Variants in LMF1 observed in about 807,000 individuals in gnomAD.
LMF1 encodes the protein transmembrane protein 112.
LMF1 carries 68 observed loss-of-function variants against 60.6 expected under a neutral mutation model. The ratio of observed to expected loss-of-function variants is 1.12; its 90% CI spans 0.92 to 1.37. The LOEUF is 1.37. Among genes scored for constraint, LMF1 ranks in the 40% most tolerant of loss-of-function variants. The pLI, the probability that LMF1 is intolerant of heterozygous loss-of-function variation, is 0.00. For missense variants in LMF1, 948 were observed against 767.2 expected (o/e 1.24, Z -2.78); for synonymous variants, 418 against 324.7 (o/e 1.29, Z -3.09).
At chr16:968,696 C>T (rs2072976553) in intron 1 of LMF1, 1 of 152,228 alleles carries the variant, frequency 6.6e-6, no homozygotes, top group Non-Finnish European at 1.5e-5. Context: ...GTGCATATGT[C>T]AAGGAGAAAT....
At chr16:906,789 C>T (rs1480837500) in intron 4 of LMF1, among the ~76,000 whole-genome samples, 1 of 152,132 alleles carries the variant, frequency 6.6e-6, no homozygotes, top group Non-Finnish European at 1.5e-5. Context: ...TATGTAGGTC[C>T]TTGGCATTTC....
rs899581550 is a variant in LMF1, at chr16:954,725, T to C, written c.194-59A>G. ...AGGAACAAACCACATGTGGACACCATGGGCGCAGCTCAGAATGCGGGGCGA... is the reference window on the plus strand; with the variant it reads ...AGGAACAAACCACATGTGGACACCACGGGCGCAGCTCAGAATGCGGGGCGA... On this transcript the variant is annotated intron_variant, in intron 1 of 10. Transcript: ENST00000262301. 2.2e-5 allele frequency: 32 copies of C among 1,481,454 alleles called. 1 individual carries two copies. In the Admixed American group the frequency reaches 5.3e-4, roughly 24 times the overall value. The allele number at this position is 1,481,454 out of a possible 1,614,324, so 91.8% of individuals were successfully genotyped here. A position where few individuals can be genotyped will look rare whatever the true frequency, so the allele number is the denominator to read the frequency against.
intron 1 of LMF1, chr16:976,661 G>C (rs2073154218): frequency 2.2e-6 from 1 of 454,026 alleles, no homozygotes; most frequent in African/African-American, 2.0e-5. Context: ...CCCACACTGA[G>C]AGTGGAGACG....
intron 2 of LMF1, chr16:934,580 T>G: frequency 2.7e-6 from 1 of 367,492 alleles, no homozygotes; most frequent in Non-Finnish European, 5.1e-6. Flanking sequence ...ACGGCAAATG[T>G]CATACTCTGG....
At chr16:879,860 G>A (rs1315704855) in intron 5 of LMF1, 123 bp from the exon 6 acceptor site, 18 of 943,688 alleles carry the variant, frequency 1.9e-5, no homozygotes, top group South Asian at 6.8e-5. Context: ...CCCCCGGCCC[G>A]CCTGGCCCTG....
intron 2 of LMF1, among the ~76,000 whole-genome samples, chr16:948,660 C>T (rs71382300): frequency 0.28 from 29,535 of 107,224 alleles, 5,597 homozygotes; most frequent in African/African-American, 0.52. Flanking sequence ...AGTCAGCCAA[C>T]GACAGAATCA....
At chr16:916,503 A>T (rs1567233682) in intron 3 of LMF1, among the ~76,000 whole-genome samples, 1 of 152,234 alleles carries the variant, frequency 6.6e-6, no homozygotes, top group Non-Finnish European at 1.5e-5. Context: ...CTTACTTTGC[A>T]CTATCACGGA....
At chr16:969,897 G>A (rs1316300425) in intron 1 of LMF1, among the ~76,000 whole-genome samples, 1 of 152,250 alleles carries the variant, frequency 6.6e-6, no homozygotes, top group Non-Finnish European at 1.5e-5. Context: ...GTAGGGACTG[G>A]GGAGAGAGGG....
In LMF1 at chr16:854,485, C is replaced by T. The variant is rs1018750036; in HGVS notation, c.*47G>A. 1.3e-6 allele frequency: 2 copies of T among 1,559,564 alleles called. No individual in the cohort carries two copies. Among genetic ancestry groups the T allele is most frequent in the Admixed American group, 1.8e-5 (1 of 54,340 alleles). On this transcript the variant is annotated 3_prime_UTR_variant, in exon 11 of 11. Coordinates refer to ENST00000262301, the MANE Select transcript of LMF1 (RefSeq NM_022773.4). ...TGGGCGCAGGGAAGGGCAAACGTTGCTGAGCCGCCGAGGGGCTGGGTCTTC... is the reference window on the plus strand; with the variant it reads ...TGGGCGCAGGGAAGGGCAAACGTTGTTGAGCCGCCGAGGGGCTGGGTCTTC...
intron 3 of LMF1, chr16:931,653 G>C (rs1314693265): frequency 2.3e-6 from 3 of 1,287,110 alleles, no homozygotes; most frequent in Admixed American, 2.3e-5. Flanking sequence ...TCAGTAACTG[G>C]CAGCTCTATG....
intron 5 of LMF1, among the ~76,000 whole-genome samples, chr16:882,209 C>A (rs1385079847): frequency 6.6e-6 from 1 of 152,224 alleles, no homozygotes; most frequent in Non-Finnish European, 1.5e-5. Flanking sequence ...ATGTAACAGA[C>A]ATGGGGCTGA....
chr16:861,764 C>T lies in LMF1; in HGVS notation c.1530-7058G>A, dbSNP rs371199243. ...TTCGTTTCTTCCTTTGTGATCGACA[C>T]GCCTTTTCTTTCCTTGTCCTGCGTA... is the stretch of plus-strand genomic sequence containing the variant. On this transcript the variant is annotated intron_variant, in intron 10 of 10. Coordinates refer to ENST00000262301, the MANE Select transcript of LMF1 (RefSeq NM_022773.4). Among the ~76,000 whole-genome samples the T allele has an allele frequency of 1.1e-3, 172 of 152,308 alleles. 1 individual carries two copies. Among genetic ancestry groups the T allele is most frequent in the African/African-American group, 3.6e-3 (150 of 41,554 alleles).
chr16:853,746 T>A lies in LMF1; in HGVS notation c.*786A>T, dbSNP rs902592823. ...GCAGTAGACGCTGTTTGTCCGACGA[T>A]GATGAAAGTGTGCACGGCCGGCTGT... is the stretch of plus-strand genomic sequence containing the variant. On this transcript the variant is annotated 3_prime_UTR_variant, in exon 11 of 11. Transcript: ENST00000262301. 2.2e-6 allele frequency: 1 copy of A among 454,004 alleles called. No individual in the cohort carries two copies. Among genetic ancestry groups the A allele is most frequent in the Non-Finnish European group, 4.4e-6 (1 of 226,798 alleles). The allele number at this position is 454,004 out of a possible 1,614,324, so 28.1% of individuals were successfully genotyped here.
chr16:864,907 C>T (rs994640649), intron 10 of LMF1, among the ~76,000 whole-genome samples: 5 of 152,138 alleles, frequency 3.3e-5, no homozygotes, highest in African/African-American at 4.8e-5. Flanking sequence ...CAGGAGTGAG[C>T]CACTGCACCT....
intron 3 of LMF1, among the ~76,000 whole-genome samples, chr16:914,930 C>T (rs963896414): frequency 2.6e-5 from 4 of 152,282 alleles, no homozygotes; most frequent in Admixed American, 1.3e-4. Context: ...AGTAATGTTC[C>T]GTAGTGACTG....
chr16:947,814 CGACAGAGTCAGCCAAT>C (rs1567293959), intron 2 of LMF1, among the ~76,000 whole-genome samples: 1 of 151,384 alleles, frequency 6.6e-6, no homozygotes, highest in Non-Finnish European at 1.5e-5. Context: ...TCAGAGACAA[CGACAGAGTCAGCCAAT>C]GACAGAGTCA....
At chr16:884,694 C>T (rs1434883902) in intron 5 of LMF1, among the ~76,000 whole-genome samples, 1 of 146,976 alleles carries the variant, frequency 6.8e-6, no homozygotes, top group Admixed American at 6.8e-5. Context: ...GAGTGAAGAG[C>T]TCTGGAAATG....
chr16:873,271 GGGAA>G (rs2069857999), intron 6 of LMF1: 2 of 152,432 alleles, frequency 1.3e-5, no homozygotes, highest in Admixed American at 6.5e-5. Context: ...TCTCCTCAGA[GGGAA>G]ATCAGTCTTC....
At chr16:885,270 A>G (rs999167479) in intron 5 of LMF1, among the ~76,000 whole-genome samples, 1 of 152,250 alleles carries the variant, frequency 6.6e-6, no homozygotes, top group Non-Finnish European at 1.5e-5. Context: ...AATAAAAAGG[A>G]GTCACAAAAA....
Sources: allele counts gnomAD v4.1 joint callset (sites outside exome capture counted in the v4.1 genomes callset), GRCh38; gene constraint gnomAD v4.1.1; transcripts MANE v1.5; gene names NCBI Gene and HGNC (gene_info 2026-07-23, HGNC 2026-07-21).